Variants in PCDHA5 observed in about 807,000 individuals in gnomAD.
The protein encoded by PCDHA5 is protocadherin alpha-5.
PCDHA5 carries 43 observed loss-of-function variants against 61.6 expected under a neutral mutation model. The observed-to-expected ratio is 0.70, with a 90% confidence interval of 0.55 to 0.90. The LOEUF (loss-of-function observed/expected upper bound fraction) is 0.90, where lower values mean the gene tolerates loss of function less well. PCDHA5 is among the 40% of genes least tolerant of loss of function. PCDHA5 has a pLI of 0.00. For synonymous variants in PCDHA5, 627 were observed against 543.9 expected (o/e 1.15, Z -2.13); for missense variants, 1,298 against 1,222.7 (o/e 1.06, Z -0.92).
At chr5:140,883,892 G>T in intron 1 of PCDHA5, 3 of 1,613,362 alleles carry the variant, frequency 1.9e-6, no homozygotes, top group Non-Finnish European at 1.7e-6. Context: ...CGACTCTGGC[G>T]TGCCGCCTCT....
At chr5:140,915,710 C>T (rs2077269471) in intron 1 of PCDHA5, among the ~76,000 whole-genome samples, 1 of 151,918 alleles carries the variant, frequency 6.6e-6, no homozygotes, top group South Asian at 2.1e-4. Flanking sequence ...ACTCCTGTGG[C>T]CCCCACTTTG....
chr5:140,939,900 A>G (rs916984176), intron 1 of PCDHA5, among the ~76,000 whole-genome samples: 5 of 152,150 alleles, frequency 3.3e-5, no homozygotes, highest in Admixed American at 3.3e-4. Flanking sequence ...AATATTCTGC[A>G]TTCTTTTTTA....
In PCDHA5 at chr5:140,823,596, G is replaced by C; in HGVS notation, c.1821G>C (p.Ser607=). 1 of 1,614,020 alleles carries C rather than the reference G, an allele frequency of 6.2e-7. No homozygotes were observed. The highest frequency in any genetic ancestry group is 8.5e-7 in the Non-Finnish European group (1 of 1,179,950). The change falls in exon 1 of 4, where the codon TCG becomes TCC. Residue 607 remains serine, a synonymous_variant. Transcript: ENST00000529859. ...ATTCGGGCTACAACGCTTGGCTTTCGTATGAGCTGCAGCCAGCGCCTGGCA... is the reference window on the plus strand; with the variant it reads ...ATTCGGGCTACAACGCTTGGCTTTCCTATGAGCTGCAGCCAGCGCCTGGCA... ...DPDSGYNAWL[S]YELQPAPGSA...
chr5:140,918,901 CTT>C (rs1386679785), intron 1 of PCDHA5, among the ~76,000 whole-genome samples: 6 of 152,198 alleles, frequency 3.9e-5, no homozygotes, highest in African/African-American at 1.4e-4. Flanking sequence ...ATAAATCTCT[CTT>C]GTTTATTAAC....
intron 1 of PCDHA5, chr5:140,882,202 T>A: frequency 2.0e-6 from 3 of 1,529,778 alleles, no homozygotes; most frequent in Non-Finnish European, 2.6e-6. Context: ...AAATTGGGCC[T>A]TGAGAGACAG....
At chr5:140,844,072 C>T (rs1779214774) in intron 1 of PCDHA5, among the ~76,000 whole-genome samples, 1 of 149,460 alleles carries the variant, frequency 6.7e-6, no homozygotes, top group African/African-American at 2.5e-5. Context: ...TTCTTTTGTC[C>T]TTAGGCACTG....
chr5:140,967,943 G>T, intron 1 of PCDHA5: 1 of 1,614,190 alleles, frequency 6.2e-7, no homozygotes. Flanking sequence ...CAATGACCAA[G>T]ACTCAGGCCC....
chr5:140,857,736 C>A (rs1554150585), intron 1 of PCDHA5: 1 of 1,597,364 alleles, frequency 6.3e-7, no homozygotes, highest in Admixed American at 1.7e-5. Flanking sequence ...AACGCTCCCG[C>A]GCTGCTGGCG....
intron 1 of PCDHA5, chr5:140,869,297 G>A (rs781788461): frequency 1.2e-6 from 2 of 1,613,576 alleles, no homozygotes; most frequent in East Asian, 2.2e-5. Flanking sequence ...CGCCTGTTCC[G>A]GGTGGCGTCC....
At chr5:140,961,561 T>C (rs1554225472) in intron 1 of PCDHA5, among the ~76,000 whole-genome samples, 1 of 152,170 alleles carries the variant, frequency 6.6e-6, no homozygotes, top group African/African-American at 2.4e-5. Flanking sequence ...TTTTTTTAAA[T>C]TTTGTTTTGA....
chr5:140,877,569 C>T (rs782129855), intron 1 of PCDHA5: 1 of 1,613,806 alleles, frequency 6.2e-7, no homozygotes, highest in Admixed American at 1.7e-5. Flanking sequence ...TTAACGTGTA[C>T]CTCATCATCG....
At position 140,963,044 on chromosome 5, in the gene PCDHA5, T is replaced by C. The variant is rs144557802; in HGVS notation, c.2353-15905T>C. On this transcript the variant is annotated intron_variant, in intron 1 of 3. Transcript: ENST00000529859. The stretch of plus-strand genomic sequence containing the variant: ...AAGCAATTAACATTTATTGAGAGTC[T>C]ATAAGGGTTTCTACATTGTGAAGGA... Among the ~76,000 whole-genome samples the C allele has an allele frequency of 9.3e-4, 141 of 152,294 alleles. 1 individual carries two copies. Among genetic ancestry groups the C allele is most frequent in the African/African-American group, 2.9e-3 (121 of 41,576 alleles).
At chr5:140,965,561 A>T (rs2095912417) in intron 1 of PCDHA5, among the ~76,000 whole-genome samples, 1 of 152,114 alleles carries the variant, frequency 6.6e-6, no homozygotes, top group Admixed American at 6.5e-5. Context: ...TTAGGAGATC[A>T]ACAGTAACGC....
chr5:141,003,074 G>A (rs941146075), intron 3 of PCDHA5, among the ~76,000 whole-genome samples: 2 of 152,224 alleles, frequency 1.3e-5, no homozygotes, highest in Non-Finnish European at 2.9e-5. Flanking sequence ...GCAGATGAGG[G>A]TGAGTTTAAC....
intron 1 of PCDHA5, chr5:140,828,662 C>T: frequency 6.2e-7 from 1 of 1,614,124 alleles, no homozygotes; most frequent in Non-Finnish European, 8.5e-7. Flanking sequence ...TGACAATAAA[C>T]AAATTGGGCT....
chr5:140,929,511 G>T, intron 1 of PCDHA5: 1 of 781,088 alleles, frequency 1.3e-6, no homozygotes, highest in Non-Finnish European at 1.8e-6. Flanking sequence ...AGGCCTCAAG[G>T]GACTTATAGT....
At chr5:140,926,217 T>C (rs1201243643) in intron 1 of PCDHA5, among the ~76,000 whole-genome samples, 1 of 151,994 alleles carries the variant, frequency 6.6e-6, no homozygotes, top group African/African-American at 2.4e-5. Flanking sequence ...CCTGTTTCCT[T>C]AAGCCTAGAA....
At chr5:140,850,730 G>T (rs1439103901) in intron 1 of PCDHA5, 3 of 1,597,976 alleles carry the variant, frequency 1.9e-6, no homozygotes, top group Non-Finnish European at 2.6e-6. Flanking sequence ...CTAGCGCGGT[G>T]GGGAGTTGGT....
rs539246204 is a variant in PCDHA5 at position 140,883,140 on chromosome 5, A to G, written c.2352+59013A>G. On this transcript the variant is annotated intron_variant, in intron 1 of 3. Coordinates refer to ENST00000529859, the MANE Select transcript of PCDHA5 (RefSeq NM_018908.3). The stretch of plus-strand genomic sequence containing the variant: ...AGGCCTGTATGGCCTGCAGTGGTAT[A>G]TGCATTTACCATAAATCCGAACAAT... 9 of 1,614,118 alleles carry G rather than the reference A, an allele frequency of 5.6e-6. No individual in the cohort carries two copies. The South Asian group carries it at 9.9e-5, about 18-fold the overall frequency.
Sources: gnomAD v4.1 joint callset for allele counts (sites outside exome capture counted in the v4.1 genomes callset) on GRCh38, gnomAD v4.1.1 for gene constraint, MANE v1.5 for transcripts, NCBI Gene and HGNC (gene_info 2026-07-23, HGNC 2026-07-21) for gene names.